The following LRRC7 variants were observed in gnomAD, a reference collection of about 807,000 sequenced individuals.
The protein encoded by LRRC7 is leucine-rich repeat-containing protein 7.
In LRRC7, 23 loss-of-function variants were observed where a neutral mutation model predicts 175.7. The observed-to-expected ratio is 0.13, with a 90% CI of 0.09 to 0.19. The LOEUF (loss-of-function observed/expected upper bound fraction) is 0.19. Ranked by LOEUF, LRRC7 falls within the 10% of genes least tolerant of loss-of-function variation. The pLI is 1.00. For missense variants in LRRC7, 1,354 were observed against 1,904.7 expected, an observed-to-expected ratio of 0.71 and a Z score of 5.38; for synonymous variants, 685 against 680.9, an observed-to-expected ratio of 1.01 and a Z score of -0.09.
intron 8 of LRRC7, among the ~76,000 whole-genome samples, chr1:69,932,333 G>A (rs997460505): frequency 6.6e-6 from 1 of 152,124 alleles, no homozygotes; most frequent in African/African-American, 2.4e-5. Context: ...TCTGTTACTA[G>A]CTATGTGACT....
At chr1:69,929,639 A>T (rs1419362238) in intron 7 of LRRC7, among the ~76,000 whole-genome samples, 1 of 152,146 alleles carries the variant, frequency 6.6e-6, no homozygotes, top group Non-Finnish European at 1.5e-5. Flanking sequence ...CCAAGCCACC[A>T]TCACCTCTTA....
chr1:69,833,790 C>T (rs1430110212), intron 5 of LRRC7, among the ~76,000 whole-genome samples: 3 of 151,824 alleles, frequency 2.0e-5, no homozygotes, highest in Non-Finnish European at 2.9e-5. Flanking sequence ...TTGGTGAGTG[C>T]ATTTTCAGTA....
intron 7 of LRRC7, among the ~76,000 whole-genome samples, chr1:69,871,839 A>G (rs1685581081): frequency 6.6e-6 from 1 of 152,006 alleles, no homozygotes; most frequent in Admixed American, 6.6e-5. Flanking sequence ...TTTTTGTTCA[A>G]ATAATCTATG....
At chr1:69,772,406 G>A (rs1672342910) in intron 3 of LRRC7, among the ~76,000 whole-genome samples, 1 of 152,168 alleles carries the variant, frequency 6.6e-6, no homozygotes, top group African/African-American at 2.4e-5. Context: ...CCACAGAAGA[G>A]GCAGGTGGGA....
At chr1:69,909,389 GT>G (rs1165228116) in intron 7 of LRRC7, among the ~76,000 whole-genome samples, 6 of 152,158 alleles carry the variant, frequency 3.9e-5, no homozygotes, top group Non-Finnish European at 8.8e-5. Context: ...ATTTTGGCAT[GT>G]TTTTGCAGTG....
chr1:69,965,274 A>C (rs1651543156), intron 8 of LRRC7, among the ~76,000 whole-genome samples: 1 of 152,180 alleles, frequency 6.6e-6, no homozygotes, highest in Non-Finnish European at 1.5e-5. Context: ...TGTTTGAGCT[A>C]TCCAGTCTTC....
chr1:69,971,726 C>T (rs1189248687), intron 8 of LRRC7, among the ~76,000 whole-genome samples: 1 of 152,062 alleles, frequency 6.6e-6, no homozygotes, highest in Non-Finnish European at 1.5e-5. Context: ...AATGCAACTC[C>T]CATCAAAATA....
intron 1 of LRRC7, among the ~76,000 whole-genome samples, chr1:69,599,150 A>AG (rs1553123087): frequency 0.032 from 4,824 of 151,872 alleles, 232 homozygotes; most frequent in African/African-American, 0.11. Context: ...TAAAAAAAAA[A>AG]GGGCCAGATA....
At chr1:69,899,117 G>A (rs1646062004) in intron 7 of LRRC7, among the ~76,000 whole-genome samples, 1 of 152,202 alleles carries the variant, frequency 6.6e-6, no homozygotes, top group Non-Finnish European at 1.5e-5. Context: ...AGGAGTTAGA[G>A]TTATTGGAGA....
rs571181630 is a variant in LRRC7 at position 70,040,597 on chromosome 1, G to A, written c.3969+804G>A. Among the ~76,000 whole-genome samples the A allele has an allele frequency of 1.1e-3, 162 of 152,172 alleles. 2 individuals are homozygous for A. Among genetic ancestry groups the A allele is most frequent in the African/African-American group, 3.7e-3 (152 of 41,526 alleles). The stretch of plus-strand genomic sequence containing the variant: ...AGCACTTTGGGAGGCCGAGGCGGGC[G>A]GTCAGGAACTCGAGACCAGCCTGGC... On this transcript the variant is annotated intron_variant, in intron 21 of 26. Transcript: ENST00000651989.
At chr1:70,024,762 A>G (rs1657904294) in intron 17 of LRRC7, among the ~76,000 whole-genome samples, 1 of 152,098 alleles carries the variant, frequency 6.6e-6, no homozygotes, top group Non-Finnish European at 1.5e-5. Context: ...TGGGTCTATG[A>G]TCATGTTTAT....
intron 8 of LRRC7, among the ~76,000 whole-genome samples, chr1:69,953,778 G>A (rs921982196): frequency 1.3e-5 from 2 of 152,028 alleles, no homozygotes; most frequent in African/African-American, 2.4e-5. Context: ...TGTTAAAGAA[G>A]CATCCGCAGA....
chr1:69,899,057 G>T (rs1278875359), intron 7 of LRRC7, among the ~76,000 whole-genome samples: 1 of 152,136 alleles, frequency 6.6e-6, no homozygotes, highest in Admixed American at 6.5e-5. Flanking sequence ...TGGGACATTT[G>T]GCTATTGGAG....
intron 2 of LRRC7, among the ~76,000 whole-genome samples, chr1:69,755,097 T>C (rs1037977739): frequency 6.6e-5 from 10 of 151,812 alleles, no homozygotes; most frequent in African/African-American, 2.4e-4. Context: ...AGGAAGAGTG[T>C]TTTTAAAAGG....
chr1:70,048,281 G>A (rs1660489061), intron 22 of LRRC7, among the ~76,000 whole-genome samples: 2 of 151,988 alleles, frequency 1.3e-5, no homozygotes, highest in African/African-American at 4.8e-5. Flanking sequence ...GGTGCTATGA[G>A]GTACTTTAAC....
rs183831239 is a variant in LRRC7 at position 70,019,960 on chromosome 1, A to T, written c.1421-1045A>T. 1.5e-3 allele frequency among the ~76,000 whole-genome samples: 224 copies of T among 152,146 alleles called. 1 individual carries two copies. Among genetic ancestry groups the T allele is most frequent in the Admixed American group, 3.4e-3 (52 of 15,274 alleles). ...GAAAAGTATCTCATATTCACTGGTCATTTCTGAGATATGATCTCACAGATT... is the reference window on the plus strand; with the variant it reads ...GAAAAGTATCTCATATTCACTGGTCTTTTCTGAGATATGATCTCACAGATT... On this transcript the variant is annotated intron_variant, in intron 15 of 26. Coordinates refer to ENST00000651989, the MANE Select transcript of LRRC7 (RefSeq NM_001370785.2).
At chr1:69,722,540 T>C (rs1666476087) in intron 2 of LRRC7, among the ~76,000 whole-genome samples, 1 of 152,086 alleles carries the variant, frequency 6.6e-6, no homozygotes, top group Non-Finnish European at 1.5e-5. Context: ...ATTTAATAGA[T>C]GGATAATTCA....
intron 22 of LRRC7, among the ~76,000 whole-genome samples, chr1:70,050,033 C>G (rs1660633246): frequency 6.6e-6 from 1 of 151,910 alleles, no homozygotes; most frequent in Non-Finnish European, 1.5e-5. Flanking sequence ...TACTGTACAC[C>G]CATCAATTAG....
intron 26 of LRRC7, among the ~76,000 whole-genome samples, chr1:70,110,825 T>C (rs1282244828): frequency 6.6e-6 from 1 of 152,198 alleles, no homozygotes; most frequent in East Asian, 1.9e-4. Flanking sequence ...GAAACGAGAA[T>C]GGCTAATTCT....
Sources: allele counts gnomAD v4.1 joint callset (sites outside exome capture counted in the v4.1 genomes callset), GRCh38; gene constraint gnomAD v4.1.1; transcripts MANE v1.5; gene names NCBI Gene and HGNC (gene_info 2026-07-23, HGNC 2026-07-21).